The following ZNF695 variants were observed in gnomAD, a reference collection of about 807,000 sequenced individuals.
ZNF695 encodes the protein zinc finger protein SBZF3.
Under a neutral mutation model 11.2 loss-of-function variants are expected in ZNF695, and 11 were observed. That is an observed-to-expected ratio of 0.98 (90% CI 0.62 to 1.62). The LOEUF (loss-of-function observed/expected upper bound fraction) is 1.62. Ranked by LOEUF, ZNF695 falls within the 40% of genes most tolerant of loss-of-function variation. The probability of loss-of-function intolerance (pLI) is 0.00; values close to 1 mark genes in which losing one functional copy is unlikely to be tolerated. For missense variants in ZNF695, 559 were observed against 590.5 expected, an observed-to-expected ratio of 0.95 and a Z score of 0.55; for synonymous variants, 190 against 201.4, an observed-to-expected ratio of 0.94 and a Z score of 0.48.
chr1:246,988,682 G>A (rs1286089374), intron 3 of ZNF695, among the ~76,000 whole-genome samples: 5 of 152,248 alleles, frequency 3.3e-5, no homozygotes, highest in South Asian at 2.1e-4. Context: ...CCTGTCCTAC[G>A]AGAAATGATA....
intron 5 of ZNF695, among the ~76,000 whole-genome samples, chr1:246,963,440 A>T (rs1405811758): frequency 6.6e-6 from 1 of 152,206 alleles, no homozygotes; most frequent in Admixed American, 6.5e-5. Context: ...AATAAAAAGA[A>T]AAATAAAAAA....
chr1:246,967,854 G>T (rs1668328525), intron 4 of ZNF695: 1 of 225,212 alleles, frequency 4.4e-6, no homozygotes, highest in East Asian at 1.1e-4. Flanking sequence ...CAAGTATCAT[G>T]AGAACTCACT....
At position 246,986,126 on chromosome 1, in the gene ZNF695, G is replaced by T; in HGVS notation, c.*841C>A. On this transcript the variant is annotated 3_prime_UTR_variant, in exon 4 of 4. Transcript: ENST00000339986. ...GCTCTGTTGCCCAGGCAGGAGTGAA[G>T]TTGCCAGATAGCAGCTCACTGCATC... 1 of 845,896 alleles carries T rather than the reference G, an allele frequency of 1.2e-6. No individual in the cohort carries two copies. The allele number at this position is 845,896 out of a possible 1,614,324, so 52.4% of individuals were successfully genotyped here.
Position 246,986,052 on chromosome 1 carries a change from A to C in ZNF695, c.*915T>G. 1 of 980,588 alleles carries C rather than the reference A, an allele frequency of 1.0e-6. No homozygotes were observed. The highest frequency in any genetic ancestry group is 1.2e-6 in the Non-Finnish European group (1 of 825,576). 60.7% of individuals were successfully genotyped at this position (980,588 alleles called of 1,614,324 possible). A position where few individuals can be genotyped will look rare whatever the true frequency, so the allele number is the denominator to read the frequency against. Reference sequence around the variant, plus strand: ...AAGCTAAAACTCTTTCAGTGCACCGAGTATACTTTATTATTATGTTGTTAT... The same window carrying C: ...AAGCTAAAACTCTTTCAGTGCACCGCGTATACTTTATTATTATGTTGTTAT... On this transcript the variant is annotated 3_prime_UTR_variant, in exon 4 of 4. Transcript: ENST00000339986.
rs779625803 is a variant in ZNF695, at chr1:246,967,766, A to G, written c.417T>C (p.Pro139=). Reference sequence around the variant, plus strand: ...AACTTAGAATCATGGCAGAAGGCAAAGGGGAAGCAAGCACATCTTCACATG... The same window carrying G: ...AACTTAGAATCATGGCAGAAGGCAAGGGGGAAGCAAGCACATCTTCACATG... Residue 139 remains proline (P), a synonymous_variant, in exon 5 of 6, where the codon CCT becomes CCC. Transcript: ENST00000487338. 1.6e-5 allele frequency: 6 copies of G among 384,626 alleles called. No homozygotes were observed. The East Asian group carries it at 4.3e-4, about 28-fold the overall frequency. 23.8% of individuals were successfully genotyped at this position (384,626 alleles called of 1,614,324 possible).
chr1:246,970,830 A>G (rs915973541), intron 4 of ZNF695, among the ~76,000 whole-genome samples: 1 of 152,214 alleles, frequency 6.6e-6, no homozygotes, highest in Non-Finnish European at 1.5e-5. Flanking sequence ...GCAATGGTGC[A>G]AACTTGGCTC....
intron 5 of ZNF695, among the ~76,000 whole-genome samples, chr1:246,966,533 C>A (rs1487712534): frequency 6.6e-6 from 1 of 151,948 alleles, no homozygotes; most frequent in Non-Finnish European, 1.5e-5. Context: ...ACCTGTAATC[C>A]CAGCACTTTG....
At chr1:246,996,790 G>A (rs894629036) in intron 3 of ZNF695, among the ~76,000 whole-genome samples, 8 of 152,250 alleles carry the variant, frequency 5.3e-5, no homozygotes, top group Middle Eastern at 6.8e-3. Context: ...GATAGAGACT[G>A]TACGAATCCA....
At chr1:246,983,307 G>A (rs532788521), downstream of ZNF695, among the ~76,000 whole-genome samples, 17 of 151,886 alleles carry the variant, frequency 1.1e-4, no homozygotes, top group South Asian at 4.2e-4. Flanking sequence ...TTGCTTGAGC[G>A]CAGGAGCTTG....
At chr1:247,000,921 G>C (rs147041286) in intron 1 of ZNF695, among the ~76,000 whole-genome samples, 298 of 152,280 alleles carry the variant, frequency 2.0e-3, no homozygotes, top group Middle Eastern at 0.017. Flanking sequence ...GCCAGGTATG[G>C]TGGCTCACAC....
Position 246,957,313 on chromosome 1 carries a change from T to C in ZNF695, c.488+10382A>G, listed in dbSNP as rs150621473. ...CAGGAGAATCGCTTGAACTAGGGAG[T>C]TGGAGGTTGCAGTGAGCTGAGATCA... On this transcript the variant is annotated intron_variant, in intron 5 of 5. Coordinates refer to the ZNF695 transcript ENST00000487338. 2.0e-5 allele frequency among the ~76,000 whole-genome samples: 3 copies of C among 151,232 alleles called. No individual in the cohort carries two copies. In the East Asian group the frequency reaches 5.9e-4, roughly 30 times the overall value.
chr1:246,962,983 C>G (rs906602789), intron 5 of ZNF695, among the ~76,000 whole-genome samples: 1 of 152,120 alleles, frequency 6.6e-6, no homozygotes, highest in African/African-American at 2.4e-5. Flanking sequence ...GGCCTTGAAA[C>G]CTTTCAACGA....
At chr1:246,965,343 A>C (rs567739090) in intron 5 of ZNF695, among the ~76,000 whole-genome samples, 3 of 141,616 alleles carry the variant, frequency 2.1e-5, no homozygotes, top group African/African-American at 8.1e-5. Context: ...GGTGACAGAG[A>C]GAGACTCTGT....
chr1:247,004,030 T>G (rs1021383480), intron 1 of ZNF695, among the ~76,000 whole-genome samples: 3 of 152,302 alleles, frequency 2.0e-5, no homozygotes, highest in East Asian at 1.9e-4. Flanking sequence ...CTGGCCAACA[T>G]GGTGAAACCC....
intron 3 of ZNF695, among the ~76,000 whole-genome samples, chr1:246,989,433 G>T (rs1053277061): frequency 2.0e-5 from 3 of 152,104 alleles, no homozygotes; most frequent in East Asian, 1.9e-4. Flanking sequence ...AAGAGTGTTA[G>T]GTTCTTATCA....
chr1:246,953,485 C>G (rs1279690109), intron 5 of ZNF695, among the ~76,000 whole-genome samples: 1 of 152,074 alleles, frequency 6.6e-6, no homozygotes, highest in Non-Finnish European at 1.5e-5. Flanking sequence ...GTGGCACACG[C>G]CTGTAGTCCC....
chr1:246,977,718 C>T (rs866641711), intron 4 of ZNF695, among the ~76,000 whole-genome samples: 105 of 152,284 alleles, frequency 6.9e-4, no homozygotes, highest in African/African-American at 2.1e-3. Flanking sequence ...AATTAGTTTG[C>T]GTTCAGCTAC....
chr1:246,983,630 C>T (rs937088046), downstream of ZNF695, among the ~76,000 whole-genome samples: 1 of 151,562 alleles, frequency 6.6e-6, no homozygotes, highest in Non-Finnish European at 1.5e-5. Flanking sequence ...ACCAGCCTGG[C>T]CAACATGATG....
chr1:246,983,314 C>G (rs2103020048), downstream of ZNF695, among the ~76,000 whole-genome samples: 1 of 151,600 alleles, frequency 6.6e-6, no homozygotes. Context: ...AGCGCAGGAG[C>G]TTGAGATCAG....
Sources: allele counts gnomAD v4.1 joint callset (sites outside exome capture counted in the v4.1 genomes callset), GRCh38; gene constraint gnomAD v4.1.1; transcripts MANE v1.5; gene names NCBI Gene and HGNC (gene_info 2026-07-23, HGNC 2026-07-21).